PCDH15: variants seen among roughly 807,000 people sequenced by gnomAD.
PCDH15 encodes protocadherin-15.
Under a neutral mutation model 178.5 loss-of-function variants are expected in PCDH15, and 129 were observed. The observed-to-expected ratio is 0.72, with a 90% confidence interval of 0.63 to 0.84. The LOEUF (loss-of-function observed/expected upper bound fraction) is 0.84, where lower values mean the gene tolerates loss of function less well. Ranked by LOEUF, PCDH15 falls within the 40% of genes least tolerant of loss-of-function variation. PCDH15 has a pLI of 0.00. For synonymous variants in PCDH15, 800 were observed against 732.0 expected (o/e 1.09, Z -1.50); for missense variants, 2,230 against 2,099.9 (o/e 1.06, Z -1.21).
At chr10:54,493,287 T>A (rs2079779296) in intron 3 of PCDH15, among the ~76,000 whole-genome samples, 1 of 151,546 alleles carries the variant, frequency 6.6e-6, no homozygotes, top group Non-Finnish European at 1.5e-5. Context: ...AAGAGGGGAC[T>A]AATGTATTTT....
intron 2 of PCDH15, among the ~76,000 whole-genome samples, chr10:55,545,435 C>G (rs903294565): frequency 9.2e-5 from 14 of 152,058 alleles, no homozygotes; most frequent in African/African-American, 3.4e-4. Flanking sequence ...GCTGCCACAC[C>G]TGGCTAATTT....
rs76892927 is a variant in PCDH15 at position 54,224,607 on chromosome 10, C to A, written c.986-10559G>T. On this transcript the variant is annotated intron_variant, in intron 9 of 37. Transcript: ENST00000644397. ...CTCTGACATTAAATTCACCTGCTAC[C>A]CCTTTTACATAACTAAAATTTTGTT... Among the ~76,000 whole-genome samples the A allele has an allele frequency of 7.2e-5, 11 of 152,060 alleles. No individual in the cohort carries two copies. In the East Asian group the frequency reaches 2.1e-3, roughly 29 times the overall value.
chr10:53,940,767 A>G (rs1211010466), intron 24 of PCDH15, 99 bp downstream of exon 24: 3 of 890,080 alleles, frequency 3.4e-6, no homozygotes, highest in Non-Finnish European at 3.6e-6. Flanking sequence ...ATTTTATTAG[A>G]AAACAATAGA....
At chr10:55,197,118 AC>A (rs1840114456) in intron 1 of PCDH15, among the ~76,000 whole-genome samples, 1 of 151,970 alleles carries the variant, frequency 6.6e-6, no homozygotes, top group African/African-American at 2.4e-5. Context: ...CCAGATTGAA[AC>A]AATTTTATTT....
chr10:55,245,203 A>G (rs1841652845), intron 1 of PCDH15, among the ~76,000 whole-genome samples: 2 of 152,170 alleles, frequency 1.3e-5, no homozygotes, highest in Admixed American at 6.5e-5. Context: ...AGAAGTATAA[A>G]ACATGAGTTT....
At position 53,806,347 on chromosome 10, in the gene PCDH15, A is replaced by AAACGATAGGTTATTTAGTGAAAGTATG. The variant is rs1841153781; in HGVS notation, c.*205_*231dup. On this transcript the variant is annotated 3_prime_UTR_variant, in exon 38 of 38. Coordinates refer to ENST00000644397, the MANE Select transcript of PCDH15 (RefSeq NM_001384140.1). ...GACCCAACAAAACAGCTAAATGTTT[A>AAACGATAGGTTATTTAGTGAAAGTATG]AACGATAGGTTATTTAGTGAAAGTA... 2 of 435,128 alleles carry AAACGATAGGTTATTTAGTGAAAGTATG rather than the reference A, an allele frequency of 4.6e-6. No homozygotes were observed. Among genetic ancestry groups the AAACGATAGGTTATTTAGTGAAAGTATG allele is most frequent in the African/African-American group, 4.0e-5 (2 of 49,936 alleles). The allele number at this position is 435,128 out of a possible 1,614,324, so 27.0% of individuals were successfully genotyped here.
At chr10:54,419,031 TTATTA>T in intron 3 of PCDH15, among the ~76,000 whole-genome samples, 1 of 152,096 alleles carries the variant, frequency 6.6e-6, no homozygotes, top group South Asian at 2.1e-4. Context: ...AATAAAAATT[TTATTA>T]TAGTAGTTAT....
At chr10:53,866,250 T>C (rs975989988) in intron 27 of PCDH15, among the ~76,000 whole-genome samples, 4 of 152,104 alleles carry the variant, frequency 2.6e-5, no homozygotes, top group Non-Finnish European at 5.9e-5. Context: ...AATTTCATAG[T>C]TTAATTTCTA....
intron 3 of PCDH15, among the ~76,000 whole-genome samples, chr10:54,397,066 C>T (rs1244990717): frequency 1.3e-5 from 2 of 152,136 alleles, no homozygotes; most frequent in South Asian, 2.1e-4. Flanking sequence ...AGCAAGATGG[C>T]TTTAATATTG....
At chr10:54,622,094 A>G (rs1442070225) in intron 2 of PCDH15, among the ~76,000 whole-genome samples, 2 of 151,930 alleles carry the variant, frequency 1.3e-5, no homozygotes, top group African/African-American at 2.4e-5. Context: ...AGTAAGAATG[A>G]GAGTCTGTGG....
rs572014360 is a variant in PCDH15 at position 54,886,193 on chromosome 10, A to C, written c.-29+11257T>G. Among the ~76,000 whole-genome samples the C allele has an allele frequency of 2.1e-4, 31 of 145,360 alleles. 1 individual carries two copies. Among genetic ancestry groups the C allele is most frequent in the African/African-American group, 8.0e-4 (28 of 35,166 alleles). The stretch of plus-strand genomic sequence containing the variant: ...GTTCAAAGATCTACGGAAATGAGAC[A>C]TTTAATTTATAGTTAATAATAGGAA... On this transcript the variant is annotated intron_variant, in intron 3 of 5. Coordinates refer to the PCDH15 transcript ENST00000458638.
intron 26 of PCDH15, among the ~76,000 whole-genome samples, chr10:53,883,361 A>G (rs902344916): frequency 1.3e-5 from 2 of 152,184 alleles, no homozygotes; most frequent in African/African-American, 2.4e-5. Flanking sequence ...AGTAGGATAA[A>G]AATATCATAA....
intron 1 of PCDH15, among the ~76,000 whole-genome samples, chr10:55,168,269 C>G (rs1246300829): frequency 6.6e-6 from 1 of 152,084 alleles, no homozygotes; most frequent in Non-Finnish European, 1.5e-5. Flanking sequence ...CCCTTGGTAG[C>G]ATATGAGACA....
intron 8 of PCDH15, among the ~76,000 whole-genome samples, chr10:54,309,351 A>C (rs1043961388): frequency 1.3e-5 from 2 of 150,036 alleles, no homozygotes; most frequent in Admixed American, 1.3e-4. Flanking sequence ...ACACACACAC[A>C]CACACTTCAC....
intron 2 of PCDH15, among the ~76,000 whole-genome samples, chr10:55,334,867 G>C (rs190336414): frequency 5.3e-5 from 8 of 152,284 alleles, no homozygotes; most frequent in African/African-American, 1.7e-4. Flanking sequence ...TATTTATACA[G>C]AGTATGCTGA....
intron 14 of PCDH15, among the ~76,000 whole-genome samples, chr10:54,144,354 C>A (rs183937894): frequency 6.6e-6 from 1 of 152,122 alleles, no homozygotes; most frequent in Non-Finnish European, 1.5e-5. Context: ...AAGCTTGAAA[C>A]TTTTGTGAAT....
intron 3 of PCDH15, among the ~76,000 whole-genome samples, chr10:54,850,476 T>C (rs11004597): frequency 0.16 from 24,086 of 152,014 alleles, 2,406 homozygotes; most frequent in East Asian, 0.24. Context: ...AAGTCCATTG[T>C]ATCCTTCTTA....
intron 2 of PCDH15, among the ~76,000 whole-genome samples, chr10:55,442,466 TA>T (rs1839212510): frequency 7.9e-5 from 4 of 50,682 alleles, no homozygotes; most frequent in East Asian, 5.7e-3. Flanking sequence ...TATATATATA[TA>T]TATTATATAT....
intron 20 of PCDH15, among the ~76,000 whole-genome samples, chr10:54,009,577 G>A (rs2610875): frequency 0.087 from 13,272 of 152,188 alleles, 1,084 homozygotes; most frequent in African/African-American, 0.21. Context: ...AAAGGCTGGC[G>A]AGTGGACACT....
Sources: allele counts gnomAD v4.1 joint callset (sites outside exome capture counted in the v4.1 genomes callset), GRCh38; gene constraint gnomAD v4.1.1; transcripts MANE v1.5; gene names NCBI Gene and HGNC (gene_info 2026-07-23, HGNC 2026-07-21).